Variants in ARL15 observed in about 807,000 individuals in gnomAD.
ARL15 encodes ARF like GTPase 15.
In ARL15, 19 loss-of-function variants were observed where a neutral mutation model predicts 25.2. The observed-to-expected ratio is 0.75, with a 90% CI of 0.53 to 1.10. ARL15 has a LOEUF of 1.10. ARL15 is among the 50% of genes least tolerant of loss of function. The probability of loss-of-function intolerance (pLI) is 0.00; values close to 1 mark genes in which losing one functional copy is unlikely to be tolerated. For missense variants in ARL15, 220 were observed against 246.0 expected (o/e 0.89, Z 0.71); for synonymous variants, 94 against 86.8 (o/e 1.08, Z -0.46).
At chr5:54,267,738 G>T (rs997498431) in intron 1 of ARL15, among the ~76,000 whole-genome samples, 1 of 152,036 alleles carries the variant, frequency 6.6e-6, no homozygotes, top group African/African-American at 2.4e-5. Flanking sequence ...GCTTAGTTTG[G>T]CTGGATATGA....
intron 4 of ARL15, among the ~76,000 whole-genome samples, chr5:53,957,620 T>A (rs1747201778): frequency 2.0e-5 from 3 of 151,614 alleles, no homozygotes; most frequent in Admixed American, 2.0e-4. Context: ...CCCAGGAGTT[T>A]GAGACCAGCT....
At chr5:53,980,340 TTAAATTGGTG>T (rs1424075625) in intron 4 of ARL15, among the ~76,000 whole-genome samples, 2 of 152,226 alleles carry the variant, frequency 1.3e-5, no homozygotes, top group African/African-American at 4.8e-5. Context: ...GATTAAGGTA[TTAAATTGGTG>T]TTAGGTCTCC....
chr5:54,207,455 C>G (rs561367358), intron 1 of ARL15, among the ~76,000 whole-genome samples: 9 of 152,144 alleles, frequency 5.9e-5, no homozygotes, highest in Non-Finnish European at 1.0e-4. Context: ...CTGACCAAAC[C>G]GCCTATTGAG....
intron 1 of ARL15, among the ~76,000 whole-genome samples, chr5:54,303,815 A>T (rs1758680155): frequency 6.6e-6 from 1 of 152,056 alleles, no homozygotes; most frequent in South Asian, 2.1e-4. Flanking sequence ...GCAGGTAGGA[A>T]TGTGCCCCCA....
chr5:53,975,632 A>T (rs1409944552), intron 4 of ARL15, among the ~76,000 whole-genome samples: 1 of 152,260 alleles, frequency 6.6e-6, no homozygotes, highest in Non-Finnish European at 1.5e-5. Flanking sequence ...ATCTAGGCCC[A>T]TGGGGCGTGG....
intron 3 of ARL15, among the ~76,000 whole-genome samples, chr5:54,133,060 T>C (rs1753485273): frequency 6.6e-6 from 1 of 152,236 alleles, no homozygotes; most frequent in Non-Finnish European, 1.5e-5. Context: ...TTGTATTATG[T>C]ATCAAGAGCC....
At chr5:53,996,827 T>C (rs1180391544) in intron 4 of ARL15, among the ~76,000 whole-genome samples, 1 of 152,100 alleles carries the variant, frequency 6.6e-6, no homozygotes, top group Admixed American at 6.5e-5. Context: ...AGAATAATGG[T>C]AGGCTAACAC....
At chr5:54,310,283 G>T in intron 1 of ARL15, 149 bp downstream of exon 1, 2 of 899,904 alleles carry the variant, frequency 2.2e-6, no homozygotes, top group Non-Finnish European at 3.3e-6. Flanking sequence ...CCGAGTCCAG[G>T]GAAAGGCTTA....
rs147644857 is a variant in ARL15 at position 54,287,902 on chromosome 5, T to C, written c.48+22530A>G. On this transcript the variant is annotated intron_variant, in intron 1 of 4. Coordinates refer to ENST00000504924, the MANE Select transcript of ARL15 (RefSeq NM_019087.3). The stretch of plus-strand genomic sequence containing the variant: ...AGCAGGAAGGGCCAGGCTAACCTAA[T>C]CATATTCTTTTTCTCCCAAATTTGA... Among the ~76,000 whole-genome samples, 1,020 of 152,286 alleles carry C rather than the reference T, an allele frequency of 6.7e-3. 6 individuals carry two copies. The highest frequency in any genetic ancestry group is 0.014 in the East Asian group (74 of 5,178).
intron 3 of ARL15, among the ~76,000 whole-genome samples, chr5:54,115,111 C>A (rs968215546): frequency 3.3e-5 from 5 of 152,174 alleles, no homozygotes; most frequent in Admixed American, 1.3e-4. Context: ...CTATGGAAAT[C>A]AGCAAATCCT....
chr5:54,255,369 C>T (rs1239322121), intron 1 of ARL15, among the ~76,000 whole-genome samples: 1 of 151,686 alleles, frequency 6.6e-6, no homozygotes, highest in Non-Finnish European at 1.5e-5. Flanking sequence ...ACAAATCACC[C>T]TATAAACATA....
intron 1 of ARL15, among the ~76,000 whole-genome samples, chr5:54,190,705 T>C (rs1225628921): frequency 1.3e-5 from 2 of 152,174 alleles, no homozygotes; most frequent in African/African-American, 4.8e-5. Context: ...AGGCCTCACC[T>C]TTTAATACCA....
chr5:54,224,240 G>C (rs1402533455), intron 1 of ARL15, among the ~76,000 whole-genome samples: 1 of 152,146 alleles, frequency 6.6e-6, no homozygotes, highest in Non-Finnish European at 1.5e-5. Context: ...GACCCTGCAC[G>C]CAACTGAAAG....
chr5:54,158,944 A>C (rs277328), intron 2 of ARL15, among the ~76,000 whole-genome samples: 31,858 of 152,098 alleles, frequency 0.21, 4,066 homozygotes, highest in East Asian at 0.68. Context: ...ACTACACTGT[A>C]GTGTCTCCTC....
At chr5:54,248,843 C>T (rs1757162139) in intron 1 of ARL15, among the ~76,000 whole-genome samples, 1 of 152,086 alleles carries the variant, frequency 6.6e-6, no homozygotes, top group African/African-American at 2.4e-5. Flanking sequence ...GATGAATTCA[C>T]TCCCCAAGAC....
At chr5:54,083,003 CA>C (rs778032141) in intron 4 of ARL15, among the ~76,000 whole-genome samples, 3 of 152,154 alleles carry the variant, frequency 2.0e-5, no homozygotes, top group Non-Finnish European at 4.4e-5. Flanking sequence ...TACGAATCTT[CA>C]TATTTTAGAG....
intron 4 of ARL15, among the ~76,000 whole-genome samples, chr5:54,098,521 T>C (rs1752351346): frequency 1.3e-5 from 2 of 152,096 alleles, no homozygotes; most frequent in Non-Finnish European, 2.9e-5. Flanking sequence ...AGGAGAGCTA[T>C]ACTTCAAAAA....
chr5:54,251,232 A>C (rs1390979691), intron 1 of ARL15, among the ~76,000 whole-genome samples: 1 of 152,210 alleles, frequency 6.6e-6, no homozygotes, highest in Admixed American at 6.5e-5. Flanking sequence ...CACACACTGC[A>C]AAATTCTAAG....
rs1471869284 is a variant in ARL15 at position 54,105,004 on chromosome 5, G to T, written c.462+8198C>A. 2.0e-5 allele frequency among the ~76,000 whole-genome samples: 3 copies of T among 151,522 alleles called. 1 individual carries two copies. Among genetic ancestry groups the T allele is most frequent in the African/African-American group, 4.8e-5 (2 of 41,280 alleles). On this transcript the variant is annotated intron_variant, in intron 4 of 4. Coordinates refer to ENST00000504924, the MANE Select transcript of ARL15 (RefSeq NM_019087.3). The stretch of plus-strand genomic sequence containing the variant: ...TCTCATTAGTCTCAGCCATCTCAGA[G>T]CAACCAAGGGTATTTTAAAGCAGAC...
Sources: gnomAD v4.1 joint callset for allele counts (sites outside exome capture counted in the v4.1 genomes callset) on GRCh38, gnomAD v4.1.1 for gene constraint, MANE v1.5 for transcripts, NCBI Gene and HGNC (gene_info 2026-07-23, HGNC 2026-07-21) for gene names.